Variants in UTP18 observed in about 807,000 individuals in gnomAD.
UTP18 encodes U3 small nucleolar RNA-associated protein 18 homolog.
A neutral mutation model predicts 61.1 loss-of-function variants in UTP18; 36 were observed. The observed-to-expected ratio is 0.59, with a 90% CI of 0.45 to 0.78. UTP18 has a LOEUF of 0.78. Among genes scored for constraint, UTP18 ranks in the 30% least tolerant of loss-of-function variants. The probability of loss-of-function intolerance (pLI) is 0.00; values close to 1 mark genes in which losing one functional copy is unlikely to be tolerated. For synonymous variants in UTP18, 282 were observed against 251.1 expected (o/e 1.12, Z -1.16); for missense variants, 753 against 693.9 (o/e 1.09, Z -0.96).
At chr17:51,264,006 G>C (rs995748211) in intron 2 of UTP18, among the ~76,000 whole-genome samples, 2 of 150,166 alleles carry the variant, frequency 1.3e-5, no homozygotes, top group Non-Finnish European at 3.0e-5. Context: ...CGTGGCTATT[G>C]TTGGGTAGAT....
At chr17:51,271,362 A>G (rs1904523882) in intron 4 of UTP18, among the ~76,000 whole-genome samples, 1 of 151,814 alleles carries the variant, frequency 6.6e-6, no homozygotes, top group Non-Finnish European at 1.5e-5. Context: ...TCTGGAGTGC[A>G]GTGACGTGAT....
At chr17:51,294,139 A>T in intron 12 of UTP18, 94 bp downstream of exon 12, 1 of 1,077,518 alleles carries the variant, frequency 9.3e-7, no homozygotes, top group Non-Finnish European at 1.2e-6. Context: ...TACAGTTAAT[A>T]AATTCTAGTC....
At chr17:51,282,297 A>G (rs770374516) in intron 9 of UTP18, among the ~76,000 whole-genome samples, 6 of 152,216 alleles carry the variant, frequency 3.9e-5, no homozygotes, top group Non-Finnish European at 5.9e-5. Flanking sequence ...TTTAACTTTT[A>G]AAAAGGATTA....
intron 9 of UTP18, among the ~76,000 whole-genome samples, chr17:51,280,785 C>T (rs1012572509): frequency 3.3e-5 from 5 of 151,572 alleles, no homozygotes; most frequent in African/African-American, 1.2e-4. Context: ...TGCACTCTAG[C>T]CTGGGGGACA....
At chr17:51,273,598 G>GA in intron 5 of UTP18, 148 bp downstream of exon 5, 1 of 384,548 alleles carries the variant, frequency 2.6e-6, no homozygotes, top group East Asian at 4.7e-5. Context: ...TTATGTTATT[G>GA]TTTTTTTTTT....
intron 3 of UTP18, among the ~76,000 whole-genome samples, chr17:51,268,115 T>A (rs1442377066): frequency 6.8e-6 from 1 of 148,106 alleles, no homozygotes; most frequent in Admixed American, 6.8e-5. Context: ...GTTCACACCA[T>A]TCTCCTGCCT....
Position 51,288,089 on chromosome 17 carries a change from A to G in UTP18, c.1389A>G (p.Pro463=), listed in dbSNP as rs1905159414. ...ATTCTTGTCTCCAAGAAACAAACCC[A>G]AAGCCAATAAAAGCTATAATGAACT... ...NQDSCLQETN[P]KPIKAIMNLV... Residue 463 remains proline (P), a synonymous_variant, in exon 11 of 14, where the codon CCA becomes CCG. Transcript: ENST00000225298. The G allele has an allele frequency of 6.2e-7, 1 of 1,610,212 alleles. No homozygotes were observed. Among genetic ancestry groups the G allele is most frequent in the Non-Finnish European group, 8.5e-7 (1 of 1,179,058 alleles).
At chr17:51,261,994 CTAG>C (rs2055503060) in intron 1 of UTP18, among the ~76,000 whole-genome samples, 1 of 152,076 alleles carries the variant, frequency 6.6e-6, no homozygotes, top group South Asian at 2.1e-4. Flanking sequence ...GGCTATTAGA[CTAG>C]TAGTAGAGCA....
At chr17:51,273,956 TAA>T (rs1904627027) in intron 5 of UTP18, among the ~76,000 whole-genome samples, 1 of 152,192 alleles carries the variant, frequency 6.6e-6, no homozygotes, top group Non-Finnish European at 1.5e-5. Flanking sequence ...CTTTTAAAAA[TAA>T]AACATCAGGT....
At chr17:51,284,159 C>T (rs1318821490) in intron 9 of UTP18, among the ~76,000 whole-genome samples, 1 of 152,160 alleles carries the variant, frequency 6.6e-6, no homozygotes, top group African/African-American at 2.4e-5. Flanking sequence ...CTTACTCTAG[C>T]CTGGAACATT....
intron 4 of UTP18, among the ~76,000 whole-genome samples, chr17:51,270,749 C>T (rs953284038): frequency 2.0e-5 from 3 of 152,132 alleles, no homozygotes; most frequent in Non-Finnish European, 4.4e-5. Context: ...ATTTTGTTGG[C>T]TGGAACTCAG....
chr17:51,271,290 T>A (rs1904520910), intron 4 of UTP18, among the ~76,000 whole-genome samples: 1 of 152,114 alleles, frequency 6.6e-6, no homozygotes, highest in Non-Finnish European at 1.5e-5. Flanking sequence ...GTATATTAAA[T>A]GTCTTCCACC....
rs1249114481 is a variant in UTP18, at chr17:51,260,667, A to G, written c.83A>G (p.Asp28Gly). ...KPKRKPGMRP[D>G]WKAGAGPGGP... is the part of the protein sequence containing the mutation. Reference sequence around the variant, plus strand: ...AAGCGGAAGCCCGGAATGAGGCCGGACTGGAAAGCCGGAGCGGGGCCAGGC... The same window carrying G: ...AAGCGGAAGCCCGGAATGAGGCCGGGCTGGAAAGCCGGAGCGGGGCCAGGC... Residue 28 changes from aspartate to glycine, a missense_variant, in exon 1 of 14, where the codon GAC becomes GGC. Transcript: ENST00000225298. 8.1e-6 allele frequency: 13 copies of G among 1,611,940 alleles called. No homozygotes were observed. The highest frequency in any genetic ancestry group is 1.1e-5 in the Non-Finnish European group (13 of 1,179,530).
At chr17:51,263,516 AGATCTTTCATGGTTCCT>A in intron 2 of UTP18, 130 bp downstream of exon 2, 1 of 740,564 alleles carries the variant, frequency 1.4e-6, no homozygotes. Context: ...AGTATAGAAA[AGATCTTTCATGGTTCCT>A]GATCCCACCA....
chr17:51,292,153 TTC>T (rs1429966312), intron 11 of UTP18, among the ~76,000 whole-genome samples: 2 of 152,238 alleles, frequency 1.3e-5, no homozygotes, highest in Admixed American at 6.5e-5. Context: ...ATGTTGTGGC[TTC>T]TCTCTGTAAA....
At chr17:51,289,280 T>C (rs1003035949) in intron 11 of UTP18, among the ~76,000 whole-genome samples, 7 of 150,544 alleles carry the variant, frequency 4.6e-5, no homozygotes, top group African/African-American at 1.7e-4. Flanking sequence ...CACTGCAGCC[T>C]CCGCCTCCTG....
intron 3 of UTP18, among the ~76,000 whole-genome samples, chr17:51,268,582 G>A (rs970033044): frequency 3.3e-5 from 5 of 152,202 alleles, no homozygotes; most frequent in Non-Finnish European, 5.9e-5. Flanking sequence ...TAACTAGATG[G>A]AAATAATTAA....
At position 51,280,050 on chromosome 17, in the gene UTP18, G is replaced by A. The variant is rs368866462; in HGVS notation, c.1058G>A (p.Gly353Glu). The change falls in exon 8 of 14, where the codon GGG becomes GAG. Residue 353 changes from glycine (G) to glutamate (E), a missense_variant. Transcript: ENST00000225298. ...AGGAGCTTTGAAGTCTCCCCAGATG[G>A]GTCCTTCTTGCTCATAAATGGCATT... is the stretch of plus-strand genomic sequence containing the variant. ...IVRSFEVSPDGSFLLINGIAG... is the reference protein window; with the variant it reads ...IVRSFEVSPDESFLLINGIAG... 2 of 1,613,850 alleles carry A rather than the reference G, an allele frequency of 1.2e-6. No homozygotes were observed. Among genetic ancestry groups the A allele is most frequent in the Non-Finnish European group, 1.7e-6 (2 of 1,179,966 alleles).
intron 10 of UTP18, among the ~76,000 whole-genome samples, chr17:51,286,229 T>A (rs1252398112): frequency 3.3e-5 from 5 of 152,210 alleles, no homozygotes; most frequent in Non-Finnish European, 7.3e-5. Flanking sequence ...TTCTACTACT[T>A]GATTCTGAAG....
Sources: allele counts gnomAD v4.1 joint callset (sites outside exome capture counted in the v4.1 genomes callset), GRCh38; gene constraint gnomAD v4.1.1; transcripts MANE v1.5; gene names NCBI Gene and HGNC (gene_info 2026-07-23, HGNC 2026-07-21).